Variants in TCF4 observed in about 807,000 individuals in gnomAD.
TCF4 encodes the protein transcription factor 4.
A neutral mutation model predicts 82.1 loss-of-function variants in TCF4; 3 were observed. The ratio of observed to expected loss-of-function variants is 0.04; its 90% CI spans 0.02 to 0.09. The LOEUF is 0.09. Among genes scored for constraint, TCF4 ranks in the 10% least tolerant of loss-of-function variants. The pLI is 1.00. For missense variants in TCF4, 518 were observed against 852.7 expected (o/e 0.61, Z 4.89); for synonymous variants, 276 against 309.6 (o/e 0.89, Z 1.14).
At chr18:55,373,705 T>TG (rs2089974641) in intron 6 of TCF4, among the ~76,000 whole-genome samples, 1 of 151,848 alleles carries the variant, frequency 6.6e-6, no homozygotes, top group South Asian at 2.1e-4. Context: ...CCCAGCTACT[T>TG]GGGAGGCTGA....
chr18:55,625,055 C>T (rs1052180264), intron 2 of TCF4, among the ~76,000 whole-genome samples: 1 of 152,028 alleles, frequency 6.6e-6, no homozygotes, highest in African/African-American at 2.4e-5. Context: ...TCATAAAAAT[C>T]ATGGCTTTCT....
chr18:55,583,905 T>C (rs1385099296), intron 3 of TCF4, among the ~76,000 whole-genome samples: 3 of 152,080 alleles, frequency 2.0e-5, no homozygotes, highest in Non-Finnish European at 2.9e-5. Flanking sequence ...TTTAAAGATA[T>C]AATACTAATA....
intron 3 of TCF4, among the ~76,000 whole-genome samples, chr18:55,522,199 C>T (rs1276621387): frequency 6.6e-6 from 1 of 152,188 alleles, no homozygotes; most frequent in East Asian, 1.9e-4. Context: ...CTCCCTCCAG[C>T]GCCTCCTATT....
rs563492215 is a variant in TCF4 at position 55,512,912 on chromosome 18, G to A, written c.146-48775C>T. 4.5e-4 allele frequency among the ~76,000 whole-genome samples: 69 copies of A among 152,268 alleles called. 1 individual carries two copies. Among genetic ancestry groups the A allele is most frequent in the African/African-American group, 1.6e-3 (66 of 41,570 alleles). ...TAAGATTTCAATAGGCAAAGTAAGT[G>A]CTTAAGGGTAGCAGGCAGGATACTG... is the stretch of plus-strand genomic sequence containing the variant. On this transcript the variant is annotated intron_variant, in intron 3 of 19. Transcript: ENST00000354452.
intron 3 of TCF4, among the ~76,000 whole-genome samples, chr18:55,529,299 C>G (rs2097030547): frequency 6.6e-6 from 1 of 152,156 alleles, no homozygotes; most frequent in African/African-American, 2.4e-5. Flanking sequence ...ATTTAGCTTC[C>G]TAAACTCTAG....
chr18:55,390,286 T>TAAAAAAAAAAAAA (rs56965997), intron 6 of TCF4, among the ~76,000 whole-genome samples: 9 of 82,176 alleles, frequency 1.1e-4, no homozygotes, highest in Admixed American at 1.5e-4. Context: ...CCCTGACTCT[T>TAAAAAAAAAAAAA]AAAAAAAAAA....
chr18:55,316,612 G>A (rs1464453320), intron 8 of TCF4, among the ~76,000 whole-genome samples: 1 of 151,928 alleles, frequency 6.6e-6, no homozygotes, highest in Non-Finnish European at 1.5e-5. Flanking sequence ...CAATTTAGTA[G>A]AAACAAAACA....
chr18:55,357,343 C>A (rs529021009), intron 6 of TCF4, among the ~76,000 whole-genome samples: 1 of 152,042 alleles, frequency 6.6e-6, no homozygotes, highest in African/African-American at 2.4e-5. Context: ...GTAAACAATA[C>A]AGAATTTAAG....
At chr18:55,578,829 G>A (rs1281791373) in intron 3 of TCF4, among the ~76,000 whole-genome samples, 1 of 152,004 alleles carries the variant, frequency 6.6e-6, no homozygotes, top group African/African-American at 2.4e-5. Flanking sequence ...TACCACCAAT[G>A]CCAGTCCAGA....
chr18:55,275,972 T>C (rs528504710), intron 9 of TCF4, among the ~76,000 whole-genome samples: 7 of 152,250 alleles, frequency 4.6e-5, no homozygotes, highest in South Asian at 2.1e-4. Context: ...TTGGTAAAAA[T>C]TGAACTGTAA....
At chr18:55,387,874 G>A (rs773967598) in intron 6 of TCF4, among the ~76,000 whole-genome samples, 5 of 152,114 alleles carry the variant, frequency 3.3e-5, no homozygotes, top group African/African-American at 7.2e-5. Flanking sequence ...GGAAGAAAGC[G>A]GGTACAAAGA....
chr18:55,597,141 C>T (rs1303101239), intron 2 of TCF4, among the ~76,000 whole-genome samples: 3 of 152,128 alleles, frequency 2.0e-5, no homozygotes, highest in Non-Finnish European at 4.4e-5. Flanking sequence ...CCCAGCCATG[C>T]ATCCTGTACA....
At chr18:55,499,428 A>T (rs534229114) in intron 3 of TCF4, among the ~76,000 whole-genome samples, 50 of 152,334 alleles carry the variant, frequency 3.3e-4, no homozygotes, top group African/African-American at 1.2e-3. Flanking sequence ...GTGGCTAGGG[A>T]GGCACAGTAA....
intron 3 of TCF4, chr18:55,553,502 A>G (rs2097277670): frequency 6.6e-6 from 1 of 152,220 alleles, no homozygotes; most frequent in Non-Finnish European, 1.5e-5. Context: ...TTTCAAGTTC[A>G]TGGATATTCT....
At chr18:55,471,137 A>T (rs1035156805) in intron 3 of TCF4, among the ~76,000 whole-genome samples, 1 of 152,218 alleles carries the variant, frequency 6.6e-6, no homozygotes, top group Non-Finnish European at 1.5e-5. Context: ...CATTTTCATT[A>T]GCACCCAGTA....
intron 8 of TCF4, among the ~76,000 whole-genome samples, chr18:55,342,550 A>T (rs2080222717): frequency 6.6e-6 from 1 of 152,180 alleles, no homozygotes; most frequent in Non-Finnish European, 1.5e-5. Context: ...AAACTAACTC[A>T]ACAAGTCTAA....
chr18:55,538,076 T>C (rs1380502990), intron 3 of TCF4, among the ~76,000 whole-genome samples: 2 of 146,962 alleles, frequency 1.4e-5, no homozygotes, highest in African/African-American at 2.5e-5. Flanking sequence ...ACGTCATTAG[T>C]TCAAATCAAG....
At chr18:55,605,763 T>TA (rs1371782278) in intron 2 of TCF4, among the ~76,000 whole-genome samples, 1 of 152,216 alleles carries the variant, frequency 6.6e-6, no homozygotes, top group African/African-American at 2.4e-5. Context: ...CAGATATTAG[T>TA]ACTCCGCATT....
At chr18:55,244,126 G>C (rs1025784435) in intron 15 of TCF4, among the ~76,000 whole-genome samples, 3 of 152,190 alleles carry the variant, frequency 2.0e-5, no homozygotes, top group Non-Finnish European at 2.9e-5. Context: ...TCCCAGGGGA[G>C]GAGGCTTACT....
Sources: gnomAD v4.1 joint callset for allele counts (sites outside exome capture counted in the v4.1 genomes callset) on GRCh38, gnomAD v4.1.1 for gene constraint, MANE v1.5 for transcripts, NCBI Gene and HGNC (gene_info 2026-07-23, HGNC 2026-07-21) for gene names.